PALLD: variants seen among roughly 807,000 people sequenced by gnomAD.
PALLD encodes palladin.
PALLD carries 61 observed loss-of-function variants against 123.5 expected under a neutral mutation model. The observed-to-expected ratio is 0.49, with a 90% confidence interval of 0.40 to 0.61. The LOEUF (loss-of-function observed/expected upper bound fraction) is 0.61. PALLD is among the 20% of genes least tolerant of loss of function. The pLI, the probability that PALLD is intolerant of heterozygous loss-of-function variation, is 0.00. For synonymous variants in PALLD, 465 were observed against 496.4 expected (o/e 0.94, Z 0.84); for missense variants, 1,273 against 1,377.0 (o/e 0.92, Z 1.20).
At chr4:168,846,716 T>C (rs1746909075) in intron 10 of PALLD, among the ~76,000 whole-genome samples, 1 of 152,172 alleles carries the variant, frequency 6.6e-6, no homozygotes, top group South Asian at 2.1e-4. Flanking sequence ...AACTGCAGGC[T>C]TCTTCCGAAG....
At chr4:168,792,460 T>G (rs1162292249) in intron 10 of PALLD, among the ~76,000 whole-genome samples, 3 of 152,082 alleles carry the variant, frequency 2.0e-5, no homozygotes, top group African/African-American at 7.2e-5. Flanking sequence ...TCTGAGTCTC[T>G]CTATGACTCT....
intron 17 of PALLD, among the ~76,000 whole-genome samples, chr4:168,920,579 G>A (rs1406696120): frequency 1.3e-5 from 2 of 152,134 alleles, no homozygotes; most frequent in African/African-American, 4.8e-5. Context: ...TAAAAAGCTG[G>A]CAGATGGCGA....
At chr4:168,520,934 A>C (rs957099338) in intron 2 of PALLD, among the ~76,000 whole-genome samples, 1 of 152,244 alleles carries the variant, frequency 6.6e-6, no homozygotes. Flanking sequence ...GTATCTAGTC[A>C]TGAGTAGCAG....
chr4:168,698,200 G>A (rs1426306239), intron 8 of PALLD, among the ~76,000 whole-genome samples: 1 of 152,192 alleles, frequency 6.6e-6, no homozygotes, highest in Non-Finnish European at 1.5e-5. Context: ...CAGAGGCTGG[G>A]AGGGGTATTG....
chr4:168,658,434 G>A (rs1315969523), intron 2 of PALLD, among the ~76,000 whole-genome samples: 1 of 151,950 alleles, frequency 6.6e-6, no homozygotes, highest in Non-Finnish European at 1.5e-5. Flanking sequence ...ACTGACACGT[G>A]CCACCATGCC....
intron 2 of PALLD, among the ~76,000 whole-genome samples, chr4:168,554,921 C>T (rs1022370087): frequency 3.3e-5 from 5 of 151,788 alleles, no homozygotes; most frequent in South Asian, 2.1e-4. Flanking sequence ...ATATTTATAC[C>T]AAGATACAAA....
chr4:168,747,252 G>A (rs1031138037), intron 10 of PALLD, among the ~76,000 whole-genome samples: 1 of 152,180 alleles, frequency 6.6e-6, no homozygotes, highest in Non-Finnish European at 1.5e-5. Context: ...CACCACAGAG[G>A]CATGTGGGAG....
intron 10 of PALLD, among the ~76,000 whole-genome samples, chr4:168,770,832 G>T (rs1280125100): frequency 3.9e-5 from 6 of 152,158 alleles, no homozygotes; most frequent in African/African-American, 1.2e-4. Context: ...GCTGAGGCGG[G>T]TGGATCACTT....
At chr4:168,713,517 G>A (rs565630037) in intron 10 of PALLD, among the ~76,000 whole-genome samples, 2 of 152,284 alleles carry the variant, frequency 1.3e-5, no homozygotes, top group Non-Finnish European at 2.9e-5. Context: ...GTAAATCACA[G>A]GAGAGCAAAT....
At chr4:168,665,069 A>T (rs191153314) in intron 2 of PALLD, among the ~76,000 whole-genome samples, 30 of 152,196 alleles carry the variant, frequency 2.0e-4, no homozygotes, top group African/African-American at 7.0e-4. Context: ...TCACAAAATG[A>T]TGTAGAAAAT....
intron 3 of PALLD, among the ~76,000 whole-genome samples, chr4:168,679,072 G>A (rs1781191081): frequency 7.0e-6 from 1 of 142,416 alleles, no homozygotes; most frequent in South Asian, 2.3e-4. Context: ...GTGTGTGGTG[G>A]GGTGAGTATG....
chr4:168,500,969 T>C lies in PALLD; in HGVS notation c.-83+3775T>C, dbSNP rs114249827. On this transcript the variant is annotated intron_variant, in intron 1 of 21. Transcript: ENST00000505667. Reference sequence around the variant, plus strand: ...ACTTATGTCAAATGTGTAATATACATACCAATGAAAACTTATTTATATGTT... The same window carrying C: ...ACTTATGTCAAATGTGTAATATACACACCAATGAAAACTTATTTATATGTT... 7.2e-3 allele frequency among the ~76,000 whole-genome samples: 1,100 copies of C among 152,320 alleles called. 25 individuals carry two copies. The highest frequency in any genetic ancestry group is 0.026 in the African/African-American group (1,063 of 41,574).
At chr4:168,739,099 G>A (rs1788070709) in intron 10 of PALLD, among the ~76,000 whole-genome samples, 1 of 152,058 alleles carries the variant, frequency 6.6e-6, no homozygotes, top group Non-Finnish European at 1.5e-5. Context: ...GCAGATGACA[G>A]CCTTTCGTTA....
intron 11 of PALLD, chr4:168,894,332 T>G: frequency 1.9e-6 from 1 of 514,376 alleles, no homozygotes; most frequent in Non-Finnish European, 3.5e-6. Flanking sequence ...CCTTGTCGCT[T>G]ATTGCTCACT....
At chr4:168,632,498 CTTGT>C (rs934395245) in intron 2 of PALLD, among the ~76,000 whole-genome samples, 43 of 152,226 alleles carry the variant, frequency 2.8e-4, no homozygotes, top group African/African-American at 9.4e-4. Context: ...AAATTGTTTG[CTTGT>C]TTGTTTGTTT....
rs534668059 is a variant in PALLD at position 168,612,115 on chromosome 4, G to A, written c.909-56075G>A. Reference sequence around the variant, plus strand: ...GTTGAGGCTGCAGTGAGCCAGGATCGTGCCACTGCACTCCAGCCTGGGTGA... The same window carrying A: ...GTTGAGGCTGCAGTGAGCCAGGATCATGCCACTGCACTCCAGCCTGGGTGA... On this transcript the variant is annotated intron_variant, in intron 2 of 21. Coordinates refer to ENST00000505667, the MANE Select transcript of PALLD (RefSeq NM_001166108.2). Among the ~76,000 whole-genome samples, 12 of 152,182 alleles carry A rather than the reference G, an allele frequency of 7.9e-5. No homozygotes were observed. The East Asian group carries it at 1.4e-3, about 17-fold the overall frequency.
intron 2 of PALLD, among the ~76,000 whole-genome samples, chr4:168,639,792 C>A (rs1580714224): frequency 6.6e-6 from 1 of 152,166 alleles, no homozygotes; most frequent in Admixed American, 6.5e-5. Context: ...GATCCGCCCG[C>A]CTCGGCCACC....
At position 168,683,061 on chromosome 4, in the gene PALLD, G is replaced by A. The variant is rs1781709091; in HGVS notation, c.1218G>A (p.Val406=). 1 of 1,612,902 alleles carries A rather than the reference G, an allele frequency of 6.2e-7. No homozygotes were observed. Among genetic ancestry groups the A allele is most frequent in the African/African-American group, 1.3e-5 (1 of 75,028 alleles). The change falls in exon 5 of 22, where the codon GTG becomes GTA. Residue 406 remains valine, a synonymous_variant. Transcript: ENST00000505667. Reference sequence around the variant, plus strand: ...GATCATCATCTCCAAAGACAGGGGTGACCACAGCTGTGATTCAACCACTGT... The same window carrying A: ...GATCATCATCTCCAAAGACAGGGGTAACCACAGCTGTGATTCAACCACTGT... ...TIGSSSPKTG[V]TTAVIQPLSV...
chr4:168,634,354 G>A (rs577722088), intron 2 of PALLD, among the ~76,000 whole-genome samples: 1 of 152,224 alleles, frequency 6.6e-6, no homozygotes, highest in African/African-American at 2.4e-5. Context: ...TGGGGCTAAT[G>A]GATACAGTGG....
Sources: allele counts gnomAD v4.1 joint callset (sites outside exome capture counted in the v4.1 genomes callset), GRCh38; gene constraint gnomAD v4.1.1; transcripts MANE v1.5; gene names NCBI Gene and HGNC (gene_info 2026-07-23, HGNC 2026-07-21).